The following PRPF8 variants were observed in gnomAD, a reference collection of about 807,000 sequenced individuals.
PRPF8 encodes pre-mRNA-processing-splicing factor 8.
In PRPF8, 64 loss-of-function variants were observed where a neutral mutation model predicts 285.9. That is an observed-to-expected ratio of 0.22 (90% CI 0.18 to 0.28). The LOEUF is 0.28. PRPF8 is among the 10% of genes least tolerant of loss of function. The pLI, the probability that PRPF8 is intolerant of heterozygous loss-of-function variation, is 1.00. For missense variants in PRPF8, 1,426 were observed against 3,026.7 expected, an observed-to-expected ratio of 0.47 and a Z score of 12.41; for synonymous variants, 1,325 against 1,118.2, an observed-to-expected ratio of 1.18 and a Z score of -3.69.
In PRPF8 at chr17:1,678,846, G is replaced by A. The variant is rs752243279; in HGVS notation, c.1635C>T (p.His545=). 7 of 1,614,150 alleles carry A rather than the reference G, an allele frequency of 4.3e-6. No individual in the cohort carries two copies. The South Asian group carries it at 6.6e-5, about 15-fold the overall frequency. ...RKKSRFGNAF[H]LCREVLRLTK... is the part of the protein sequence containing the mutation. ...TCAAACGCAGAACTTCCCGACACAGGTGGAAAGCATTCCCAAAACGAGATT... is the reference window on the plus strand; with the variant it reads ...TCAAACGCAGAACTTCCCGACACAGATGGAAAGCATTCCCAAAACGAGATT... The change falls in exon 12 of 43, where the codon CAC becomes CAT. Residue 545 remains histidine, a synonymous_variant. Transcript: ENST00000304992.
Position 1,675,821 on chromosome 17 carries a change from C to T in PRPF8, c.2680-9G>A, listed in dbSNP as rs886052614. The stretch of plus-strand genomic sequence containing the variant: ...ATGAACTCAATGCCCACCTGTGGGA[C>T]AAGGAGGCTGGTTCACACCAATCCA... On this transcript the variant is annotated splice_polypyrimidine_tract_variant and intron_variant, in intron 18 of 42. Transcript: ENST00000304992. This position sits in a 1 kb window ranked among gnomAD's most constrained non-coding sequence, Gnocchi z 6.0. The T allele has an allele frequency of 5.0e-6, 8 of 1,614,002 alleles. No individual in the cohort carries two copies. Among genetic ancestry groups the T allele is most frequent in the Admixed American group, 1.7e-5 (1 of 59,992 alleles).
In PRPF8 at chr17:1,660,629, C is replaced by T. The variant is rs763654958; in HGVS notation, c.4639-51G>A. 11 of 1,614,046 alleles carry T rather than the reference C, an allele frequency of 6.8e-6. No individual in the cohort carries two copies. The South Asian group carries it at 7.7e-5, about 11-fold the overall frequency. On this transcript the variant is annotated intron_variant, in intron 29 of 42. Transcript: ENST00000304992. Reference sequence around the variant, plus strand: ...TTAGAGATCAAGAGACTCGGGCGCTCACGACATAACCAAGGCAAGAAGCAG... The same window carrying T: ...TTAGAGATCAAGAGACTCGGGCGCTTACGACATAACCAAGGCAAGAAGCAG...
Position 1,656,575 on chromosome 17 carries a change from G to T in PRPF8, c.5620-10C>A, listed in dbSNP as rs759792557. On this transcript the variant is annotated splice_polypyrimidine_tract_variant and intron_variant, in intron 35 of 42. Transcript: ENST00000304992. The stretch of plus-strand genomic sequence containing the variant: ...AGTCCAGTAAGTGCACCTAAGACAA[G>T]ATCAAGTCCAAGATGAGAAACAGCC... 14 of 1,613,988 alleles carry T rather than the reference G, an allele frequency of 8.7e-6. No homozygotes were observed. The highest frequency in any genetic ancestry group is 1.2e-5 in the Non-Finnish European group (14 of 1,180,022).
rs1412223949 is a variant in PRPF8 at position 1,670,188 on chromosome 17, AT to A, written c.3774+2892del. ...AAATATGTATCTTGGAACTGAAGAA[AT>A]AAGGTATAAATAAATACCTGGGGAA... On this transcript the variant is annotated intron_variant, in intron 24 of 42. Transcript: ENST00000304992. Among the ~76,000 whole-genome samples the A allele has an allele frequency of 2.0e-5, 3 of 152,252 alleles. No individual in the cohort carries two copies. The East Asian group carries it at 5.8e-4, about 29-fold the overall frequency.
In PRPF8 at chr17:1,681,621, C is replaced by A; in HGVS notation, c.723G>T (p.Leu241=). The change falls in exon 6 of 43, where the codon CTG becomes CTT. Residue 241 remains leucine, a synonymous_variant. Transcript: ENST00000304992. ...TLPMMSTLYR[L]ANQLLTDLVD... is the part of the protein sequence containing the mutation. ...CCAAGTCTGTCAGGAGCTGATTAGC[C>A]AGGCGGTAGAGAGTCGACATCATAG... The A allele has an allele frequency of 6.2e-7, 1 of 1,614,088 alleles. No homozygotes were observed. The highest frequency in any genetic ancestry group is 8.5e-7 in the Non-Finnish European group (1 of 1,180,012).
Position 1,658,490 on chromosome 17 carries a change from A to C in PRPF8, c.5376+36T>G. Reference sequence around the variant, plus strand: ...CCATTACTCTCCCACAGCCATGTACAGAGTCCCGCACCTATACACTGCTGC... The same window carrying C: ...CCATTACTCTCCCACAGCCATGTACCGAGTCCCGCACCTATACACTGCTGC... On this transcript the variant is annotated intron_variant, in intron 33 of 42. Coordinates refer to ENST00000304992, the MANE Select transcript of PRPF8 (RefSeq NM_006445.4). This position sits in a 1 kb window ranked among gnomAD's most constrained non-coding sequence, Gnocchi z 4.1. The C allele has an allele frequency of 6.2e-7, 1 of 1,613,014 alleles. No homozygotes were observed. Among genetic ancestry groups the C allele is most frequent in the Non-Finnish European group, 8.5e-7 (1 of 1,178,996 alleles).
Position 1,673,975 on chromosome 17 carries a change from G to C in PRPF8, c.3300-83C>G. 6.6e-7 allele frequency: 1 copy of C among 1,524,072 alleles called. No homozygotes were observed. The allele number at this position is 1,524,072 out of a possible 1,614,324, so 94.4% of individuals were successfully genotyped here. A position where few individuals can be genotyped will look rare whatever the true frequency, so the allele number is the denominator to read the frequency against. On this transcript the variant is annotated intron_variant, in intron 21 of 42. Coordinates refer to ENST00000304992, the MANE Select transcript of PRPF8 (RefSeq NM_006445.4). The surrounding 1 kb of genome is among the most constrained non-coding windows in gnomAD (Gnocchi z 5.5). The stretch of plus-strand genomic sequence containing the variant: ...CAAGTCCTCCAGCTCAATAGACGGA[G>C]ACCCCACCCCATCCTACCCCCACCC...
chr17:1,655,816 TG>T (rs1176653579), intron 36 of PRPF8, among the ~76,000 whole-genome samples: 2 of 150,422 alleles, frequency 1.3e-5, no homozygotes, highest in Admixed American at 6.6e-5. Flanking sequence ...TTAGTAGAGA[TG>T]GGGTTTCACT....
Position 1,676,743 on chromosome 17 carries a change from A to T in PRPF8, c.2182-32T>A. On this transcript the variant is annotated intron_variant, in intron 15 of 42. Coordinates refer to ENST00000304992, the MANE Select transcript of PRPF8 (RefSeq NM_006445.4). This position sits in a 1 kb window ranked among gnomAD's most constrained non-coding sequence, Gnocchi z 6.3. ...GTCCAAAAAGCACAATCAAGCCAGG[A>T]TCCAGCCAGGCACTGTGGCACACAT... 1 of 1,609,714 alleles carries T rather than the reference A, an allele frequency of 6.2e-7. No homozygotes were observed. The highest frequency in any genetic ancestry group is 8.5e-7 in the Non-Finnish European group (1 of 1,177,934).
intron 24 of PRPF8, among the ~76,000 whole-genome samples, chr17:1,665,551 C>T (rs965068789): frequency 3.6e-5 from 4 of 111,536 alleles, no homozygotes; most frequent in African/African-American, 1.0e-4. Flanking sequence ...CAAAAAAAAA[C>T]GAGAAAGGTC....
In PRPF8 at chr17:1,673,261, C is replaced by G; in HGVS notation, c.3658-64G>C. 1 of 1,601,068 alleles carries G rather than the reference C, an allele frequency of 6.2e-7. No homozygotes were observed. Among genetic ancestry groups the G allele is most frequent in the Non-Finnish European group, 8.6e-7 (1 of 1,168,572 alleles). On this transcript the variant is annotated intron_variant, in intron 23 of 42. Transcript: ENST00000304992. This position sits in a 1 kb window ranked among gnomAD's most constrained non-coding sequence, Gnocchi z 5.5. ...CCCACAGAAGCAAGAGCCAACTGTG[C>G]CCACCACTCAAGTCTTTCCACCCAA...
At chr17:1,654,215 C>T in intron 37 of PRPF8, 199 bp from the exon 38 acceptor site, 1 of 748,846 alleles carries the variant, frequency 1.3e-6, no homozygotes, top group Non-Finnish European at 2.3e-6. Context: ...CGGGACAGCA[C>T]ACTGCGTGTG....
intron 37 of PRPF8, 174 bp from the exon 38 acceptor site, chr17:1,654,190 T>C: frequency 6.5e-6 from 6 of 926,224 alleles, no homozygotes; most frequent in Non-Finnish European, 1.0e-5. Context: ...ACTTCCAAGA[T>C]TCGTCAGATC....
intron 24 of PRPF8, among the ~76,000 whole-genome samples, chr17:1,670,513 A>G (rs113057480): frequency 6.6e-6 from 1 of 152,108 alleles, no homozygotes. Flanking sequence ...TTGGAGACAG[A>G]GTCTCACCCT....
At position 1,659,344 on chromosome 17, in the gene PRPF8, A is replaced by G. The variant is rs755567359; in HGVS notation, c.5138+13T>C. The G allele has an allele frequency of 8.7e-6, 14 of 1,613,628 alleles. No homozygotes were observed. Among genetic ancestry groups the G allele is most frequent in the African/African-American group, 2.7e-5 (2 of 74,822 alleles). On this transcript the variant is annotated intron_variant, in intron 32 of 42. Transcript: ENST00000304992. This position sits in a 1 kb window ranked among gnomAD's most constrained non-coding sequence, Gnocchi z 5.1. ...CCTGGCCTGAAAATACATGGTCCTG[A>G]GCCTCAACTCACCTGTGCAAGTTAT...
intron 21 of PRPF8, among the ~76,000 whole-genome samples, chr17:1,674,170 C>T (rs1486048254): frequency 6.6e-6 from 1 of 152,138 alleles, no homozygotes; most frequent in Non-Finnish European, 1.5e-5. Flanking sequence ...CTACAGGCAC[C>T]CGCCACCACG....
In PRPF8 at chr17:1,673,141, C is replaced by G; in HGVS notation, c.3714G>C (p.Gln1238His). 4 of 1,614,232 alleles carry G rather than the reference C, an allele frequency of 2.5e-6. No homozygotes were observed. The highest frequency in any genetic ancestry group is 3.4e-6 in the Non-Finnish European group (4 of 1,180,044). The change falls in exon 24 of 43, where the codon CAG (glutamine) becomes CAC (histidine). Residue 1238 changes from glutamine (Q) to histidine (H), a missense_variant. Gln to His is a conservative substitution (Grantham distance 24). Transcript: ENST00000304992. This position sits in a 1 kb window ranked among gnomAD's most constrained non-coding sequence, Gnocchi z 5.5. ...TCTGACGCACGCGGTTGTGGAAGCG[C>G]TGCATTGACTCATCGTCCACACGCA... ...CFLRVDDESM[Q>H]RFHNRVRQIL... is the part of the protein sequence containing the mutation.
chr17:1,653,519 C>T lies in PRPF8; in HGVS notation c.6369+23G>A, dbSNP rs1567675408. ...AAAATGAGTTGGGCACACACTGTGG[C>T]CTAGCTGAGTCCACTTACTCACTTG... On this transcript the variant is annotated intron_variant, in intron 39 of 42. Transcript: ENST00000304992. The surrounding 1 kb of genome is among the most constrained non-coding windows in gnomAD (Gnocchi z 4.9). 1.2e-6 allele frequency: 2 copies of T among 1,614,156 alleles called. No individual in the cohort carries two copies. The highest frequency in any genetic ancestry group is 1.7e-6 in the Non-Finnish European group (2 of 1,180,018).
Position 1,659,584 on chromosome 17 carries a change from A to G in PRPF8, c.4947-36T>C, listed in dbSNP as rs1342848249. On this transcript the variant is annotated intron_variant, in intron 31 of 42. Coordinates refer to ENST00000304992, the MANE Select transcript of PRPF8 (RefSeq NM_006445.4). The surrounding 1 kb of genome is among the most constrained non-coding windows in gnomAD (Gnocchi z 5.1). ...AGAGGGTTCAAGCTTCTAAGAAACCATGGGCATAACCAATGTCCCCAGAAC... is the reference window on the plus strand; with the variant it reads ...AGAGGGTTCAAGCTTCTAAGAAACCGTGGGCATAACCAATGTCCCCAGAAC... 3 of 1,591,092 alleles carry G rather than the reference A, an allele frequency of 1.9e-6. No individual in the cohort carries two copies. Among genetic ancestry groups the G allele is most frequent in the East Asian group, 2.2e-5 (1 of 44,878 alleles).
Sources: allele counts gnomAD v4.1 joint callset (sites outside exome capture counted in the v4.1 genomes callset), GRCh38; gene constraint gnomAD v4.1.1; non-coding constraint Gnocchi (gnomAD v3.1); transcripts MANE v1.5; gene names NCBI Gene and HGNC (gene_info 2026-07-23, HGNC 2026-07-21).